STXBP6: variants seen among roughly 807,000 people sequenced by gnomAD.
STXBP6 encodes the protein syntaxin-binding protein 6.
In STXBP6, 21 loss-of-function variants were observed where a neutral mutation model predicts 26.9. The ratio of observed to expected loss-of-function variants is 0.78; its 90% CI spans 0.55 to 1.12. STXBP6 has a LOEUF of 1.12. STXBP6 is among the 50% of genes most tolerant of loss of function. The pLI is 0.00. For synonymous variants in STXBP6, 97 were observed against 92.6 expected (o/e 1.05, Z -0.27); for missense variants, 232 against 257.9 (o/e 0.90, Z 0.69).
intron 4 of STXBP6, among the ~76,000 whole-genome samples, chr14:24,846,615 T>A (rs1324454786): frequency 1.3e-5 from 2 of 152,216 alleles, no homozygotes; most frequent in African/African-American, 4.8e-5. Flanking sequence ...TGGATAATTT[T>A]TTAGTATAAA....
chr14:24,856,424 C>T (rs1277107357), intron 3 of STXBP6, among the ~76,000 whole-genome samples: 2 of 152,076 alleles, frequency 1.3e-5, no homozygotes, highest in Non-Finnish European at 1.5e-5. Flanking sequence ...TTCTCAGCAA[C>T]GACCTATATT....
At chr14:24,815,700 T>C (rs1326456124) in intron 5 of STXBP6, 1 of 152,142 alleles carries the variant, frequency 6.6e-6, no homozygotes, top group Non-Finnish European at 1.5e-5. Context: ...GTGTGGGTAA[T>C]GCTCTTGTCT....
intron 2 of STXBP6, among the ~76,000 whole-genome samples, chr14:24,873,210 G>A (rs11628285): frequency 2.0e-5 from 3 of 152,054 alleles, no homozygotes; most frequent in Non-Finnish European, 4.4e-5. Context: ...GCTTGCCGTA[G>A]GATCTTGTTT....
At chr14:24,947,541 A>AAGAG (rs1197269465) in intron 2 of STXBP6, among the ~76,000 whole-genome samples, 4 of 152,204 alleles carry the variant, frequency 2.6e-5, no homozygotes, top group Non-Finnish European at 5.9e-5. Flanking sequence ...GAATGAGAGG[A>AAGAG]AGAGTATCAT....
At chr14:24,900,744 C>G (rs956337049) in intron 2 of STXBP6, among the ~76,000 whole-genome samples, 1 of 152,138 alleles carries the variant, frequency 6.6e-6, no homozygotes, top group East Asian at 1.9e-4. Flanking sequence ...GTGAAAATGA[C>G]AGGATGTTGC....
In STXBP6 at chr14:24,857,093, T is replaced by C. The variant is rs925652373; in HGVS notation, c.219A>G (p.Ser73=). ...TKVKQFEGST[S]FVRRSQWMLE... Reference sequence around the variant, plus strand: ...GCATCCACTGTGATCTCCGAACAAATGATGTGGAGCCTTCAAACTGTTTGA... The same window carrying C: ...GCATCCACTGTGATCTCCGAACAAACGATGTGGAGCCTTCAAACTGTTTGA... The change falls in exon 3 of 6, where the codon TCA becomes TCG. Residue 73 remains serine (S), a synonymous_variant. Transcript: ENST00000323944. 1 of 1,612,990 alleles carries C rather than the reference T, an allele frequency of 6.2e-7. No individual in the cohort carries two copies. The highest frequency in any genetic ancestry group is 8.5e-7 in the Non-Finnish European group (1 of 1,179,224).
At chr14:25,012,263 G>A (rs2075048360) in intron 1 of STXBP6, among the ~76,000 whole-genome samples, 1 of 152,162 alleles carries the variant, frequency 6.6e-6, no homozygotes, top group Non-Finnish European at 1.5e-5. Context: ...GTCTTAGGAC[G>A]CCTTTACACT....
intron 4 of STXBP6, among the ~76,000 whole-genome samples, chr14:24,832,762 A>C (rs1172732522): frequency 1.3e-5 from 2 of 152,252 alleles, no homozygotes; most frequent in African/African-American, 4.8e-5. Flanking sequence ...CATATTAACA[A>C]GATACAAACC....
At chr14:25,036,983 A>T (rs567659180) in intron 1 of STXBP6, among the ~76,000 whole-genome samples, 20 of 152,198 alleles carry the variant, frequency 1.3e-4, no homozygotes, top group Non-Finnish European at 2.8e-4. Context: ...TCCAACAGTG[A>T]CATTATTCAT....
chr14:24,968,384 G>A (rs950028701), intron 2 of STXBP6, among the ~76,000 whole-genome samples: 1 of 151,766 alleles, frequency 6.6e-6, no homozygotes. Context: ...AATATTTATA[G>A]ACTTTGAGAT....
chr14:24,844,319 G>C (rs1241725707), intron 4 of STXBP6, among the ~76,000 whole-genome samples: 1 of 152,138 alleles, frequency 6.6e-6, no homozygotes. Context: ...GTAAGTAAAG[G>C]ATTTCCCTGA....
intron 2 of STXBP6, among the ~76,000 whole-genome samples, chr14:24,883,768 T>C (rs1291694982): frequency 2.0e-5 from 3 of 152,182 alleles, no homozygotes; most frequent in Admixed American, 1.3e-4. Context: ...TACTCACCAG[T>C]TTTTGTTCTT....
intron 2 of STXBP6, among the ~76,000 whole-genome samples, chr14:24,951,367 G>A (rs1595174600): frequency 8.5e-6 from 1 of 117,622 alleles, no homozygotes; most frequent in East Asian, 2.6e-4. Context: ...CAGTGTAAAA[G>A]CGTTCCTATT....
At chr14:24,916,206 C>T (rs898858533) in intron 2 of STXBP6, among the ~76,000 whole-genome samples, 10 of 152,026 alleles carry the variant, frequency 6.6e-5, no homozygotes, top group Non-Finnish European at 1.3e-4. Flanking sequence ...TGGTATTTGC[C>T]TAAATTGCTA....
At chr14:24,903,427 T>C (rs2071280557) in intron 2 of STXBP6, among the ~76,000 whole-genome samples, 1 of 152,220 alleles carries the variant, frequency 6.6e-6, no homozygotes, top group South Asian at 2.1e-4. Flanking sequence ...ACATTACATG[T>C]ATTTAACTTT....
chr14:24,870,228 A>G (rs938628582), intron 2 of STXBP6, among the ~76,000 whole-genome samples: 2 of 152,172 alleles, frequency 1.3e-5, no homozygotes, highest in Non-Finnish European at 2.9e-5. Flanking sequence ...AAGGTAACCT[A>G]TATTAGGTTT....
intron 1 of STXBP6, among the ~76,000 whole-genome samples, chr14:24,982,270 A>G (rs761801144): frequency 1.8e-4 from 27 of 152,194 alleles, no homozygotes; most frequent in Non-Finnish European, 3.1e-4. Flanking sequence ...GAGAACCCCA[A>G]AGTAAATTAG....
chr14:24,971,217 A>G (rs1285542417), intron 2 of STXBP6, among the ~76,000 whole-genome samples: 1 of 152,222 alleles, frequency 6.6e-6, no homozygotes, highest in African/African-American at 2.4e-5. Flanking sequence ...CATAAAATGT[A>G]CTAGATATTG....
chr14:24,910,613 T>G (rs1422679018), intron 2 of STXBP6, among the ~76,000 whole-genome samples: 1 of 152,214 alleles, frequency 6.6e-6, no homozygotes, highest in Non-Finnish European at 1.5e-5. Context: ...ACTTTGCAAC[T>G]CACAATGTTA....
Sources: allele counts gnomAD v4.1 joint callset (sites outside exome capture counted in the v4.1 genomes callset), GRCh38; gene constraint gnomAD v4.1.1; transcripts MANE v1.5; gene names NCBI Gene and HGNC (gene_info 2026-07-23, HGNC 2026-07-21).